SHPRH: variants seen among roughly 807,000 people sequenced by gnomAD.
SHPRH encodes E3 ubiquitin-protein ligase SHPRH.
A neutral mutation model predicts 202.5 loss-of-function variants in SHPRH; 106 were observed. The ratio of observed to expected loss-of-function variants is 0.52; its 90% CI spans 0.45 to 0.62. The LOEUF is 0.62. Among genes scored for constraint, SHPRH ranks in the 20% least tolerant of loss-of-function variants. The probability of loss-of-function intolerance (pLI) is 0.00; values close to 1 mark genes in which losing one functional copy is unlikely to be tolerated. For missense variants in SHPRH, 1,710 were observed against 2,020.0 expected, an observed-to-expected ratio of 0.85 and a Z score of 2.94; for synonymous variants, 729 against 686.0, an observed-to-expected ratio of 1.06 and a Z score of -0.98.
intron 27 of SHPRH, 50 bp from the exon 28 acceptor site, chr6:145,893,443 A>C: frequency 6.7e-7 from 1 of 1,492,442 alleles, no homozygotes; most frequent in East Asian, 2.5e-5. Context: ...TTAAAATAAG[A>C]GCAGTATGTA....
At chr6:145,895,039 A>C (rs1781893103) in intron 25 of SHPRH, 62 bp from the exon 26 acceptor site, 1 of 1,426,100 alleles carries the variant, frequency 7.0e-7, no homozygotes, top group Non-Finnish European at 9.7e-7. Context: ...ACAGAATAGA[A>C]AAGCAATACA....
intron 6 of SHPRH, among the ~76,000 whole-genome samples, 169 bp from the exon 7 acceptor site, chr6:145,946,510 A>G (rs920990035): frequency 7.9e-5 from 12 of 152,052 alleles, no homozygotes; most frequent in Non-Finnish European, 1.3e-4. Context: ...TTCTGAGTTT[A>G]CAGCTAGCTA....
intron 4 of SHPRH, among the ~76,000 whole-genome samples, chr6:145,949,514 C>A (rs1787755599): frequency 6.6e-6 from 1 of 152,038 alleles, no homozygotes; most frequent in Non-Finnish European, 1.5e-5. Context: ...CATGTTCTTA[C>A]TTACAAGTGT....
intron 13 of SHPRH, 65 bp downstream of exon 13, chr6:145,934,842 G>T: frequency 6.9e-7 from 1 of 1,455,278 alleles, no homozygotes; most frequent in Non-Finnish European, 9.3e-7. Flanking sequence ...GAATGAAACC[G>T]TGGGCCTGAA....
At chr6:145,861,924 C>T (rs148682588), downstream of SHPRH, among the ~76,000 whole-genome samples, 49 of 152,212 alleles carry the variant, frequency 3.2e-4, no homozygotes, top group African/African-American at 1.1e-3. Flanking sequence ...ACAAACACAG[C>T]ATGATCTCAC....
rs918609107 is a variant in SHPRH at position 145,941,765 on chromosome 6, T to C, written c.2348A>G (p.Asp783Gly). The change falls in exon 10 of 30, where the codon GAT becomes GGT. Residue 783 changes from aspartate (D) to glycine (G), a missense_variant. Physicochemically the swap from Asp to Gly is moderately conservative, Grantham distance 94. Coordinates refer to ENST00000275233, the MANE Select transcript of SHPRH (RefSeq NM_001042683.3). ...ATCCTCACTATTGCTATGTGGGATATCGACATAATTTAATTCTGAACGCAG... is the reference window on the plus strand; with the variant it reads ...ATCCTCACTATTGCTATGTGGGATACCGACATAATTTAATTCTGAACGCAG... ...DVLRSELNYV[D>G]IPHSNSEDGR... 1 of 1,614,066 alleles carries C rather than the reference T, an allele frequency of 6.2e-7. No homozygotes were observed. The highest frequency in any genetic ancestry group is 8.5e-7 in the Non-Finnish European group (1 of 1,179,984).
downstream of SHPRH, among the ~76,000 whole-genome samples, chr6:145,882,026 G>C (rs1780613572): frequency 6.6e-6 from 1 of 151,398 alleles, no homozygotes; most frequent in African/African-American, 2.4e-5. Context: ...AGCCTGAGAA[G>C]TTGAGGCTGC....
At chr6:145,865,840 T>C (rs1198172890) in intron 2 of SHPRH, among the ~76,000 whole-genome samples, 1 of 152,058 alleles carries the variant, frequency 6.6e-6, no homozygotes, top group Non-Finnish European at 1.5e-5. Context: ...TCATTTCCTA[T>C]TTTTTTTCTT....
chr6:145,910,373 G>T, intron 25 of SHPRH, 75 bp downstream of exon 25: 1 of 1,503,708 alleles, frequency 6.7e-7, no homozygotes, highest in Non-Finnish European at 9.1e-7. Context: ...TGATGTTCAT[G>T]CTTTCTTAAT....
chr6:145,910,746 T>C (rs1392827463), intron 24 of SHPRH, 110 bp from the exon 25 acceptor site: 2 of 1,099,988 alleles, frequency 1.8e-6, no homozygotes, highest in Non-Finnish European at 2.5e-6. Flanking sequence ...ATAACATTAA[T>C]ATTCTTTGTC....
intron 3 of SHPRH, among the ~76,000 whole-genome samples, chr6:145,951,107 T>C (rs1319902372): frequency 6.6e-6 from 1 of 152,110 alleles, no homozygotes; most frequent in Non-Finnish European, 1.5e-5. Flanking sequence ...ATTATGTTAT[T>C]AATGCAAATT....
intron 23 of SHPRH, among the ~76,000 whole-genome samples, chr6:145,914,489 C>T (rs775544501): frequency 2.0e-5 from 3 of 152,038 alleles, no homozygotes; most frequent in Non-Finnish European, 4.4e-5. Flanking sequence ...AACTCAATTC[C>T]ACTAATGTGG....
chr6:145,945,406 T>C lies in SHPRH; in HGVS notation c.1553A>G (p.Asp518Gly). 1 of 1,612,538 alleles carries C rather than the reference T, an allele frequency of 6.2e-7. No individual in the cohort carries two copies. The highest frequency in any genetic ancestry group is 8.5e-7 in the Non-Finnish European group (1 of 1,179,278). ...FTLGKNYKEE[D>G]ICDKTKKQAV... ...CTGCTTTTTTGTTTTATCACATATA[T>C]CCTCTTCCTTGTAATTCTTTCCCAA... Residue 518 changes from aspartate to glycine, a missense_variant, in exon 8 of 30, where the codon GAT becomes GGT. By Grantham distance (94) the Asp-to-Gly change is moderately conservative (BLOSUM62 -1). Coordinates refer to ENST00000275233, the MANE Select transcript of SHPRH (RefSeq NM_001042683.3).
exon 3 of SHPRH, chr6:145,864,292 G>C (rs114556356): frequency 1.5e-5 from 5 of 333,732 alleles, no homozygotes; most frequent in South Asian, 1.4e-4. Context: ...TACTGAATAA[G>C]CCCCATAATT....
At chr6:145,903,233 A>G (rs1782652941) in intron 25 of SHPRH, 2 of 151,896 alleles carry the variant, frequency 1.3e-5, no homozygotes, top group Admixed American at 1.3e-4. Flanking sequence ...TTTTAAACTC[A>G]GAATTTCATA....
chr6:145,909,368 T>A (rs1783276222), intron 25 of SHPRH: 2 of 152,062 alleles, frequency 1.3e-5, no homozygotes, highest in African/African-American at 4.8e-5. Flanking sequence ...GTCCAATATA[T>A]ATGTGTGGAA....
intron 25 of SHPRH, among the ~76,000 whole-genome samples, chr6:145,900,664 C>A (rs941809127): frequency 6.6e-6 from 1 of 152,076 alleles, no homozygotes; most frequent in African/African-American, 2.4e-5. Context: ...CATTGGATAT[C>A]AAGATCTGCA....
chr6:145,893,664 C>T (rs547434573), intron 27 of SHPRH, among the ~76,000 whole-genome samples: 1 of 152,164 alleles, frequency 6.6e-6, no homozygotes, highest in Admixed American at 6.5e-5. Context: ...AATTAAACTA[C>T]ATGAGGTTAG....
chr6:145,903,242 TAATC>T (rs1441714464), intron 25 of SHPRH: 1 of 151,894 alleles, frequency 6.6e-6, no homozygotes, highest in East Asian at 1.9e-4. Flanking sequence ...CAGAATTTCA[TAATC>T]AGTTTTTTTC....
Sources: gnomAD v4.1 joint callset for allele counts (sites outside exome capture counted in the v4.1 genomes callset) on GRCh38, gnomAD v4.1.1 for gene constraint, MANE v1.5 for transcripts, NCBI Gene and HGNC (gene_info 2026-07-23, HGNC 2026-07-21) for gene names.